Variants in ACTN2 observed in about 807,000 individuals in gnomAD.
ACTN2 encodes actinin alpha 2, also known as alpha-actinin-2.
A neutral mutation model predicts 113.8 loss-of-function variants in ACTN2; 39 were observed. The ratio of observed to expected loss-of-function variants is 0.34; its 90% CI spans 0.27 to 0.45. The LOEUF (loss-of-function observed/expected upper bound fraction) is 0.45, where lower values mean the gene tolerates loss of function less well. Ranked by LOEUF, ACTN2 falls within the 20% of genes least tolerant of loss-of-function variation. ACTN2 has a pLI of 1.00. For missense variants in ACTN2, 992 were observed against 1,177.9 expected, an observed-to-expected ratio of 0.84 and a Z score of 2.31; for synonymous variants, 429 against 444.1, an observed-to-expected ratio of 0.97 and a Z score of 0.43.
chr1:236,719,124 G>A, intron 3 of ACTN2, 111 bp downstream of exon 3: 2 of 1,485,748 alleles, frequency 1.3e-6, no homozygotes, highest in Non-Finnish European at 1.8e-6. Flanking sequence ...TACTGTACCT[G>A]CCTTGTATCA....
chr1:236,737,077 A>C, intron 8 of ACTN2, 45 bp from the exon 9 acceptor site: 5 of 1,520,094 alleles, frequency 3.3e-6, no homozygotes, highest in Non-Finnish European at 4.5e-6. Context: ...GTGTGTGCGC[A>C]TTCCCGTCGA....
rs2102951481 is a variant in ACTN2 at position 236,761,020 on chromosome 1, A to G, written c.2373A>G (p.Glu791=). Residue 791 remains glutamate (E), a synonymous_variant, in exon 20 of 21, where the codon GAA becomes GAG. Coordinates refer to ENST00000366578, the MANE Select transcript of ACTN2 (RefSeq NM_001103.4). ...CLISMGYDLG[E]AEFARIMTLV... The stretch of plus-strand genomic sequence containing the variant: ...TCTTTGCCACTTTGCCCCAGGGTGA[A>G]GCCGAATTTGCCCGCATTATGACCC... 6.2e-7 allele frequency: 1 copy of G among 1,614,182 alleles called. No individual in the cohort carries two copies. Among genetic ancestry groups the G allele is most frequent in the Non-Finnish European group, 8.5e-7 (1 of 1,180,022 alleles).
At chr1:236,722,096 A>T (rs1224145693) in intron 4 of ACTN2, among the ~76,000 whole-genome samples, 1 of 152,174 alleles carries the variant, frequency 6.6e-6, no homozygotes, top group Non-Finnish European at 1.5e-5. Flanking sequence ...CTTCAAGCAG[A>T]TGGTTCTGCA....
In ACTN2 at chr1:236,686,564, T is replaced by G; in HGVS notation, c.-110T>G. On this transcript the variant is annotated 5_prime_UTR_variant, in exon 1 of 21. Transcript: ENST00000366578. ...CGCCCCGAGAGGAGCCGCGCGAAGG[T>G]CACCCCGCGCCCGCCGCCCGCCGCC... 1 of 1,263,522 alleles carries G rather than the reference T, an allele frequency of 7.9e-7. No homozygotes were observed. The highest frequency in any genetic ancestry group is 1.0e-6 in the Non-Finnish European group (1 of 991,958). 78.3% of individuals were successfully genotyped at this position (1,263,522 alleles called of 1,614,324 possible). A position where few individuals can be genotyped will look rare whatever the true frequency, so the allele number is the denominator to read the frequency against.
At chr1:236,744,529 GT>G in intron 11 of ACTN2, 96 bp from the exon 12 acceptor site, 2 of 1,455,622 alleles carry the variant, frequency 1.4e-6, no homozygotes, top group Non-Finnish European at 1.9e-6. Context: ...CCTTCTCTTG[GT>G]TCTTTGGAAT....
chr1:236,691,788 G>A (rs1666092703), intron 1 of ACTN2, among the ~76,000 whole-genome samples: 1 of 152,222 alleles, frequency 6.6e-6, no homozygotes, highest in Admixed American at 6.5e-5. Flanking sequence ...AGTAACCAAG[G>A]TGGCTAGACC....
rs1658539755 is a variant in ACTN2 at position 236,726,032 on chromosome 1, G to T, written c.536+12G>T. ...AACTTCCATACTAGGTGAGCACCCA[G>T]GGCCCCTGGTCCTTGTATTCTCAGT... On this transcript the variant is annotated intron_variant, in intron 5 of 20. Coordinates refer to ENST00000366578, the MANE Select transcript of ACTN2 (RefSeq NM_001103.4). 3.1e-6 allele frequency: 5 copies of T among 1,610,842 alleles called. No individual in the cohort carries two copies. In the East Asian group the frequency reaches 1.1e-4, roughly 36 times the overall value.
At chr1:236,712,600 A>C (rs1041687356) in intron 1 of ACTN2, among the ~76,000 whole-genome samples, 1 of 152,182 alleles carries the variant, frequency 6.6e-6, no homozygotes, top group Non-Finnish European at 1.5e-5. Context: ...TCAAAGCTGC[A>C]GTGAGCCATG....
intron 7 of ACTN2, among the ~76,000 whole-genome samples, chr1:236,734,757 C>G (rs971714335): frequency 3.3e-5 from 5 of 152,186 alleles, no homozygotes; most frequent in Admixed American, 1.3e-4. Flanking sequence ...ACCCCACATC[C>G]TTTCTGTTCA....
intron 1 of ACTN2, among the ~76,000 whole-genome samples, chr1:236,701,149 C>T (rs572996932): frequency 1.7e-3 from 264 of 152,282 alleles, no homozygotes; most frequent in African/African-American, 6.0e-3. Flanking sequence ...CTTTGACTCT[C>T]AGAAGTGGCC....
Position 236,721,022 on chromosome 1 carries a change from G to GTT in ACTN2, c.448+853_448+854dup, listed in dbSNP as rs869077774. ...CCTCTGACTCTGGTTTTTGTTTTTT[G>GTT]TTTTTTTTTTTTTTTTTTTTTTTGA... On this transcript the variant is annotated intron_variant, in intron 4 of 20. Transcript: ENST00000366578. 3.0e-3 allele frequency among the ~76,000 whole-genome samples: 199 copies of GTT among 66,478 alleles called. 16 individuals are homozygous for GTT. Among genetic ancestry groups the GTT allele is most frequent in the African/African-American group, 0.011 (180 of 16,012 alleles). The allele number at this position is 66,478 out of a possible 152,430, so 43.6% of individuals were successfully genotyped here.
intron 4 of ACTN2, among the ~76,000 whole-genome samples, chr1:236,724,017 G>T (rs1658474099): frequency 6.6e-6 from 1 of 152,142 alleles, no homozygotes; most frequent in African/African-American, 2.4e-5. Context: ...GTCTTTCCAG[G>T]CCTTTATAAA....
At chr1:236,731,609 A>G (rs1230685022) in intron 7 of ACTN2, among the ~76,000 whole-genome samples, 2 of 152,374 alleles carry the variant, frequency 1.3e-5, no homozygotes, top group Non-Finnish European at 2.9e-5. Flanking sequence ...TATAATTTTA[A>G]AAAAACATTT....
intron 7 of ACTN2, chr1:236,734,486 T>A: frequency 1.6e-5 from 24 of 1,535,814 alleles, no homozygotes; most frequent in Non-Finnish European, 2.0e-5. Flanking sequence ...TTATGTTTCC[T>A]GTTACTATCA....
intron 1 of ACTN2, among the ~76,000 whole-genome samples, chr1:236,689,338 T>TATACATAC (rs1439126100): frequency 9.7e-5 from 4 of 41,208 alleles, no homozygotes; most frequent in African/African-American, 1.8e-4. Context: ...TATATATATA[T>TATACATAC]ACACACACAT....
At chr1:236,706,500 C>G (rs778460869) in intron 1 of ACTN2, among the ~76,000 whole-genome samples, 19 of 152,106 alleles carry the variant, frequency 1.2e-4, no homozygotes, top group Non-Finnish European at 1.6e-4. Flanking sequence ...AATTTGAGAT[C>G]ATTAGATATA....
At position 236,754,900 on chromosome 1, in the gene ACTN2, C is replaced by T. The variant is rs1175786095; in HGVS notation, c.1975-119C>T. 1 of 1,181,048 alleles carries T rather than the reference C, an allele frequency of 8.5e-7. No homozygotes were observed. The highest frequency in any genetic ancestry group is 1.3e-6 in the Non-Finnish European group (1 of 789,658). The allele number at this position is 1,181,048 out of a possible 1,614,324, so 73.2% of individuals were successfully genotyped here. A position where few individuals can be genotyped will look rare whatever the true frequency, so the allele number is the denominator to read the frequency against. On this transcript the variant is annotated intron_variant, in intron 16 of 20. Coordinates refer to ENST00000366578, the MANE Select transcript of ACTN2 (RefSeq NM_001103.4). This position sits in a 1 kb window ranked among gnomAD's most constrained non-coding sequence, Gnocchi z 4.9. ...AGAAAAGTGAACCGAGTGACACTGG[C>T]CGCTGCCTGACGCTGGCCTAGCATC...
intron 1 of ACTN2, 42 bp downstream of exon 1, chr1:236,686,841 G>T (rs1665889016): frequency 3.6e-6 from 5 of 1,370,598 alleles, no homozygotes; most frequent in African/African-American, 1.5e-5. Context: ...GGTGGGGCCG[G>T]GTCCCCCGCG....
At chr1:236,713,232 T>C (rs1479307268) in intron 1 of ACTN2, among the ~76,000 whole-genome samples, 4 of 151,694 alleles carry the variant, frequency 2.6e-5, no homozygotes, top group East Asian at 1.9e-4. Context: ...TTTTCTTTTT[T>C]TTTTTTTCTT....
Sources: gnomAD v4.1 joint callset for allele counts (sites outside exome capture counted in the v4.1 genomes callset) on GRCh38, gnomAD v4.1.1 for gene constraint, Gnocchi (gnomAD v3.1) non-coding constraint, MANE v1.5 for transcripts, NCBI Gene and HGNC (gene_info 2026-07-23, HGNC 2026-07-21) for gene names.